The following HDAC4 variants were observed in gnomAD, a reference collection of about 807,000 sequenced individuals.
The protein encoded by HDAC4 is histone deacetylase A.
In HDAC4, 16 loss-of-function variants were observed where a neutral mutation model predicts 135.1. The ratio of observed to expected loss-of-function variants is 0.12; its 90% CI spans 0.08 to 0.18. The LOEUF is 0.18. Ranked by LOEUF, HDAC4 falls within the 10% of genes least tolerant of loss-of-function variation. The pLI, the probability that HDAC4 is intolerant of heterozygous loss-of-function variation, is 1.00. For synonymous variants in HDAC4, 685 were observed against 653.4 expected, an observed-to-expected ratio of 1.05 and a Z score of -0.74; for missense variants, 1,143 against 1,511.8, an observed-to-expected ratio of 0.76 and a Z score of 4.05.
chr2:239,352,768 A>T lies in HDAC4; in HGVS notation c.-69T>A. ...AATTTCCACGGAAACGATAGCTCCAACGAGCTCCAAACTCCCACCAACACA... is the reference window on the plus strand; with the variant it reads ...AATTTCCACGGAAACGATAGCTCCATCGAGCTCCAAACTCCCACCAACACA... On this transcript the variant is annotated 5_prime_UTR_variant, in exon 2 of 27. The change creates a new upstream start codon in the 5' untranslated region. Transcript: ENST00000543185. The surrounding 1 kb of genome is among the most constrained non-coding windows in gnomAD (Gnocchi z 4.4). 1 of 1,431,092 alleles carries T rather than the reference A, an allele frequency of 7.0e-7. No homozygotes were observed. Among genetic ancestry groups the T allele is most frequent in the Non-Finnish European group, 9.6e-7 (1 of 1,037,142 alleles). The allele number at this position is 1,431,092 out of a possible 1,614,324, so 88.6% of individuals were successfully genotyped here. A position where few individuals can be genotyped will look rare whatever the true frequency, so the allele number is the denominator to read the frequency against.
At chr2:239,244,466 T>A (rs2048361454) in intron 2 of HDAC4, among the ~76,000 whole-genome samples, 1 of 152,070 alleles carries the variant, frequency 6.6e-6, no homozygotes, top group African/African-American at 2.4e-5. Flanking sequence ...TGTGAGTCAA[T>A]GTGGAATGAA....
At chr2:239,319,989 C>G (rs1451049789) in intron 2 of HDAC4, among the ~76,000 whole-genome samples, 2 of 151,878 alleles carry the variant, frequency 1.3e-5, no homozygotes, top group Admixed American at 1.3e-4. Flanking sequence ...TATTGTATTG[C>G]TTTAAATGAT....
intron 5 of HDAC4, among the ~76,000 whole-genome samples, chr2:239,165,199 C>T (rs2043049876): frequency 6.6e-6 from 1 of 152,072 alleles, no homozygotes; most frequent in African/African-American, 2.4e-5. Context: ...CTCCACCCTG[C>T]GCAATGCGAG....
At chr2:239,210,044 T>C (rs1252108369) in intron 3 of HDAC4, among the ~76,000 whole-genome samples, 1 of 152,146 alleles carries the variant, frequency 6.6e-6, no homozygotes, top group Non-Finnish European at 1.5e-5. Context: ...GTGGGCTTTC[T>C]CATAGACAGC....
chr2:239,066,948 G>A, intron 23 of HDAC4, 93 bp from the exon 24 acceptor site: 1 of 1,488,400 alleles, frequency 6.7e-7, no homozygotes, highest in African/African-American at 1.4e-5. Flanking sequence ...TAAGAAGACT[G>A]GGGGCTGGGG....
chr2:239,152,913 T>A (rs2042204308), intron 7 of HDAC4, among the ~76,000 whole-genome samples: 2 of 152,218 alleles, frequency 1.3e-5, no homozygotes, highest in Admixed American at 1.3e-4. Context: ...CAAATATTAA[T>A]TAATTCACAT....
intron 24 of HDAC4, among the ~76,000 whole-genome samples, chr2:239,062,932 G>A (rs1574869172): frequency 6.6e-6 from 1 of 152,262 alleles, no homozygotes; most frequent in East Asian, 1.9e-4. Flanking sequence ...TCTGGCTGGC[G>A]CAGGCCCCTG....
At chr2:239,317,762 G>A (rs192981419) in intron 2 of HDAC4, among the ~76,000 whole-genome samples, 1 of 152,276 alleles carries the variant, frequency 6.6e-6, no homozygotes, top group East Asian at 1.9e-4. Context: ...CTTGGAAACC[G>A]CAACTTTAAG....
chr2:239,382,728 T>C (rs1298555153), intron 1 of HDAC4, among the ~76,000 whole-genome samples: 6 of 151,548 alleles, frequency 4.0e-5, no homozygotes, highest in African/African-American at 1.2e-4. Context: ...ACTTTCTTTT[T>C]CTTTTTTTTT....
At chr2:239,242,109 AAAG>A (rs892816335) in intron 2 of HDAC4, among the ~76,000 whole-genome samples, 2 of 147,640 alleles carry the variant, frequency 1.4e-5, no homozygotes, top group African/African-American at 5.3e-5. Context: ...AAGGAGAAAA[AAAG>A]AAAGAAAGAA....
intron 2 of HDAC4, among the ~76,000 whole-genome samples, chr2:239,270,048 G>A (rs544491230): frequency 2.6e-5 from 4 of 152,244 alleles, no homozygotes; most frequent in Admixed American, 6.5e-5. Flanking sequence ...TCAACTGCAC[G>A]CAGGTGGCCC....
Position 239,307,294 on chromosome 2 carries a change from T to G in HDAC4, c.22+45384A>C, listed in dbSNP as rs1349843040. ...ACCCTCAGGGGACCATGGGCTACTT[T>G]CAGAAACAAGAGGGTGTTCTGTTTA... On this transcript the variant is annotated intron_variant, in intron 2 of 26. Transcript: ENST00000543185. The surrounding 1 kb of genome is among the most constrained non-coding windows in gnomAD (Gnocchi z 4.8). 6.6e-6 allele frequency among the ~76,000 whole-genome samples: 1 copy of G among 151,970 alleles called. No homozygotes were observed. The highest frequency in any genetic ancestry group is 1.5e-5 in the Non-Finnish European group (1 of 67,986).
intron 4 of HDAC4, 32 bp from the exon 5 acceptor site, chr2:239,176,595 A>G (rs1202688393): frequency 2.5e-6 from 4 of 1,603,190 alleles, no homozygotes; most frequent in African/African-American, 2.7e-5. Flanking sequence ...AGACGGTCAG[A>G]GCCCAGGCTC....
intron 18 of HDAC4, among the ~76,000 whole-genome samples, chr2:239,088,857 G>A (rs981015338): frequency 6.6e-6 from 1 of 152,162 alleles, no homozygotes; most frequent in Non-Finnish European, 1.5e-5. Flanking sequence ...CTGGTGAGAT[G>A]GGGGTGATAT....
intron 3 of HDAC4, among the ~76,000 whole-genome samples, chr2:239,219,524 C>T (rs902951546): frequency 2.0e-5 from 3 of 151,808 alleles, no homozygotes; most frequent in Non-Finnish European, 4.4e-5. Context: ...ATGTAAATGA[C>T]GAGTTAATGG....
chr2:239,236,621 A>G lies in HDAC4; in HGVS notation c.66T>C (p.Pro22=). 1 of 1,551,790 alleles carries G rather than the reference A, an allele frequency of 6.4e-7. No homozygotes were observed. The highest frequency in any genetic ancestry group is 8.7e-7 in the Non-Finnish European group (1 of 1,146,996). The change falls in exon 3 of 27, where the codon CCT becomes CCC. Residue 22 remains proline (P), a synonymous_variant. Coordinates refer to ENST00000543185, the MANE Select transcript of HDAC4 (RefSeq NM_001378414.1). ...GRDQPVELLN[P]ARVNHMPSTV... The stretch of plus-strand genomic sequence containing the variant: ...TGCTGGGCATGTGGTTCACGCGGGC[A>G]GGATTCAGCAGCTCCACTGGCTGGT...
chr2:239,349,551 G>A lies in HDAC4; in HGVS notation c.22+3127C>T, dbSNP rs1216776975. On this transcript the variant is annotated intron_variant, in intron 2 of 26. Coordinates refer to ENST00000543185, the MANE Select transcript of HDAC4 (RefSeq NM_001378414.1). The surrounding 1 kb of genome is among the most constrained non-coding windows in gnomAD (Gnocchi z 5.7). ...ACTAGAGATCTCTGGGGATGGAGCT[G>A]CTTGGGAAGGCACACAAGCGAGTGG... 6.6e-6 allele frequency among the ~76,000 whole-genome samples: 1 copy of A among 152,238 alleles called. No homozygotes were observed. Among genetic ancestry groups the A allele is most frequent in the Non-Finnish European group, 1.5e-5 (1 of 68,042 alleles).
intron 3 of HDAC4, among the ~76,000 whole-genome samples, chr2:239,208,326 C>CAAAAAAAAA (rs759398313): frequency 4.4e-5 from 3 of 68,204 alleles, no homozygotes; most frequent in African/African-American, 2.1e-4. Flanking sequence ...GACTCCGTCC[C>CAAAAAAAAA]AAAAAAAAAA....
intron 2 of HDAC4, among the ~76,000 whole-genome samples, chr2:239,296,733 C>T (rs1297676075): frequency 6.6e-6 from 1 of 152,098 alleles, no homozygotes; most frequent in Non-Finnish European, 1.5e-5. Flanking sequence ...TGTCGGGCCC[C>T]GGAGCTGTGC....
Sources: allele counts gnomAD v4.1 joint callset (sites outside exome capture counted in the v4.1 genomes callset), GRCh38; gene constraint gnomAD v4.1.1; non-coding constraint Gnocchi (gnomAD v3.1); transcripts MANE v1.5; gene names NCBI Gene and HGNC (gene_info 2026-07-23, HGNC 2026-07-21).